SLC1A4: variants seen among roughly 807,000 people sequenced by gnomAD.
SLC1A4 encodes the protein neutral amino acid transporter A.
SLC1A4 carries 19 observed loss-of-function variants against 37.7 expected under a neutral mutation model. That is an observed-to-expected ratio of 0.50 (90% CI 0.35 to 0.74). The LOEUF (loss-of-function observed/expected upper bound fraction) is 0.74. Ranked by LOEUF, SLC1A4 falls within the 30% of genes least tolerant of loss-of-function variation. The pLI is 0.01. For missense variants in SLC1A4, 570 were observed against 712.9 expected (o/e 0.80, Z 2.28); for synonymous variants, 299 against 309.8 (o/e 0.97, Z 0.37).
intron 7 of SLC1A4, among the ~76,000 whole-genome samples, chr2:65,019,766 C>T (rs772914659): frequency 1.3e-5 from 2 of 152,208 alleles, no homozygotes; most frequent in Non-Finnish European, 2.9e-5. Flanking sequence ...GAGGCCCCCT[C>T]TCCTTCCTCA....
chr2:65,002,640 C>T (rs1343751490), intron 2 of SLC1A4, among the ~76,000 whole-genome samples: 2 of 137,742 alleles, frequency 1.5e-5, no homozygotes, highest in Non-Finnish European at 3.0e-5. Flanking sequence ...TGCAGTGGCG[C>T]GATCTTGGCT....
At chr2:65,014,815 G>A (rs566398273) in intron 4 of SLC1A4, among the ~76,000 whole-genome samples, 1 of 152,296 alleles carries the variant, frequency 6.6e-6, no homozygotes, top group South Asian at 2.1e-4. Context: ...CGTTTGTAAC[G>A]ATAAACCTGG....
Position 65,021,007 on chromosome 2 carries a change from AG to A in SLC1A4, c.1462del (p.Glu488AsnfsTer5), listed in dbSNP as rs764268060. On this transcript the variant is annotated frameshift_variant, in exon 8 of 8. Transcript: ENST00000234256. LOFTEE classifies it high-confidence loss of function. ...LNQKATKKGEQELAEVKVEAI... is the reference protein window; with the variant it reads ...LNQKATKKGEXELAEVKVEAI... ...CAGAAGGCAACAAAGAAAGGCGAGC[AG>A]GAACTTGCTGAGGTGAAAGTGGAAG... 18 of 1,614,150 alleles carry A rather than the reference AG, an allele frequency of 1.1e-5. No homozygotes were observed. The highest frequency in any genetic ancestry group is 1.7e-5 in the Admixed American group (1 of 60,012).
intron 1 of SLC1A4, among the ~76,000 whole-genome samples, chr2:64,996,744 G>A (rs1028972291): frequency 1.1e-4 from 17 of 152,216 alleles, no homozygotes; most frequent in African/African-American, 4.1e-4. Context: ...GCAGAAATGG[G>A]AGATGCTCAG....
rs992984640 is a variant in SLC1A4 at position 65,006,450 on chromosome 2, C to T, written c.633+2435C>T. ...GAGGTTGCAGTGAGCTGAGATTCTGCCACTGCACTCCAGCCTGGGCAACAG... is the reference window on the plus strand; with the variant it reads ...GAGGTTGCAGTGAGCTGAGATTCTGTCACTGCACTCCAGCCTGGGCAACAG... On this transcript the variant is annotated intron_variant, in intron 3 of 7. Coordinates refer to ENST00000234256, the MANE Select transcript of SLC1A4 (RefSeq NM_003038.5). Among the ~76,000 whole-genome samples the T allele has an allele frequency of 7.2e-5, 11 of 152,160 alleles. No homozygotes were observed. The South Asian group carries it at 8.3e-4, about 11-fold the overall frequency.
chr2:65,010,665 A>G lies in SLC1A4; in HGVS notation c.702A>G (p.Gly234=), dbSNP rs1558523650. The change falls in exon 4 of 8, where the codon GGA becomes GGG. Residue 234 remains glycine, a synonymous_variant. Coordinates refer to ENST00000234256, the MANE Select transcript of SLC1A4 (RefSeq NM_003038.5). ...TGGTCCTGTTTGCTCTGGTGTTAGG[A>G]GTGGCCTTAAAGAAACTAGGCTCCG... ...LGLVLFALVL[G]VALKKLGSEG... 2 of 1,614,130 alleles carry G rather than the reference A, an allele frequency of 1.2e-6. No individual in the cohort carries two copies. The highest frequency in any genetic ancestry group is 2.2e-5 in the South Asian group (2 of 91,074).
intron 1 of SLC1A4, among the ~76,000 whole-genome samples, chr2:64,993,089 G>A (rs1453377335): frequency 6.6e-6 from 1 of 152,208 alleles, no homozygotes; most frequent in Non-Finnish European, 1.5e-5. Context: ...CTAGGGGCAC[G>A]TGAATGAAAT....
At position 65,018,121 on chromosome 2, in the gene SLC1A4, T is replaced by C. The variant is rs942888353; in HGVS notation, c.1085T>C (p.Val362Ala). 1.9e-6 allele frequency: 3 copies of C among 1,614,196 alleles called. No homozygotes were observed. The highest frequency in any genetic ancestry group is 2.5e-6 in the Non-Finnish European group (3 of 1,180,036). ...MMKCIEENNG[V>A]DKRISRFILP... The stretch of plus-strand genomic sequence containing the variant: ...AAGTGCATTGAAGAGAACAATGGTG[T>C]GGACAAGAGGATCAGCAGGTTTATT... The change falls in exon 6 of 8, where the codon GTG becomes GCG. Residue 362 changes from valine to alanine, a missense_variant. Transcript: ENST00000234256. This position sits in a 1 kb window ranked among gnomAD's most constrained non-coding sequence, Gnocchi z 4.3.
At chr2:64,993,088 C>T (rs766672732) in intron 1 of SLC1A4, among the ~76,000 whole-genome samples, 2 of 152,184 alleles carry the variant, frequency 1.3e-5, no homozygotes, top group African/African-American at 2.4e-5. Context: ...CCTAGGGGCA[C>T]GTGAATGAAA....
chr2:65,010,814 G>GAA, intron 4 of SLC1A4, 51 bp downstream of exon 4: 1 of 1,567,114 alleles, frequency 6.4e-7, no homozygotes, highest in Non-Finnish European at 8.6e-7. Context: ...CTGCCATCCA[G>GAA]AAAAGAGTCC....
chr2:64,991,565 T>C (rs1308346087), intron 1 of SLC1A4, among the ~76,000 whole-genome samples: 4 of 149,460 alleles, frequency 2.7e-5, no homozygotes, highest in African/African-American at 1.0e-4. Flanking sequence ...GTAGCTGAGA[T>C]TACAGGTGCA....
rs1288857452 is a variant in SLC1A4, at chr2:65,010,630, A to T, written c.667A>T (p.Ile223Phe). ...AGGCACTGAGATAGAAGGGATGAAC[A>T]TTTTAGGATTGGTCCTGTTTGCTCT... ...PIGTEIEGMN[I>F]LGLVLFALVL... Residue 223 changes from isoleucine (I) to phenylalanine (F), a missense_variant, in exon 4 of 8, where the codon ATT (isoleucine) becomes TTT (phenylalanine). By Grantham distance (21) the Ile-to-Phe change is conservative (BLOSUM62 0). Coordinates refer to ENST00000234256, the MANE Select transcript of SLC1A4 (RefSeq NM_003038.5). 6.2e-7 allele frequency: 1 copy of T among 1,613,456 alleles called. No homozygotes were observed. Among genetic ancestry groups the T allele is most frequent in the African/African-American group, 1.3e-5 (1 of 74,894 alleles).
chr2:65,009,749 A>C (rs1040394126), intron 3 of SLC1A4, among the ~76,000 whole-genome samples: 3 of 152,224 alleles, frequency 2.0e-5, no homozygotes, highest in African/African-American at 4.8e-5. Flanking sequence ...AAAAATTAAG[A>C]ATACAGTATG....
At chr2:65,008,979 T>C (rs1414629736) in intron 3 of SLC1A4, among the ~76,000 whole-genome samples, 3 of 152,204 alleles carry the variant, frequency 2.0e-5, no homozygotes, top group Non-Finnish European at 2.9e-5. Context: ...GCTCCTTAAT[T>C]ACTATTGCCG....
rs200284406 is a variant in SLC1A4 at position 65,018,013 on chromosome 2, CAT to C, written c.1035-57_1035-56del. ...CTGTTCTGGGGTCTGAGACAAGACA[CAT>C]GTTAGCCTGCCTCGGACTGTTGTCA... On this transcript the variant is annotated intron_variant, in intron 5 of 7. Transcript: ENST00000234256. The surrounding 1 kb of genome is among the most constrained non-coding windows in gnomAD (Gnocchi z 4.3). The C allele has an allele frequency of 6.5e-3, 9,624 of 1,485,742 alleles. 59 individuals are homozygous for C. The highest frequency in any genetic ancestry group is 0.015 in the East Asian group (646 of 44,002). The allele number at this position is 1,485,742 out of a possible 1,614,324, so 92.0% of individuals were successfully genotyped here. A position where few individuals can be genotyped will look rare whatever the true frequency, so the allele number is the denominator to read the frequency against.
In SLC1A4 at chr2:65,018,398, G is replaced by GT; in HGVS notation, c.1229+134dup. 1 of 1,370,364 alleles carries GT rather than the reference G, an allele frequency of 7.3e-7. No homozygotes were observed. 84.9% of individuals were successfully genotyped at this position (1,370,364 alleles called of 1,614,324 possible). On this transcript the variant is annotated intron_variant, in intron 6 of 7. Transcript: ENST00000234256. This position sits in a 1 kb window ranked among gnomAD's most constrained non-coding sequence, Gnocchi z 4.3. ...AGTGGGGATTCATTACTTGAAGAGC[G>GT]TGTGTTGACTCTCAAGGGCGTAGCC...
At position 64,989,861 on chromosome 2, in the gene SLC1A4, C is replaced by T. The variant is rs1320406110; in HGVS notation, c.218C>T (p.Thr73Ile). ...RGLSLSRTQV[T>I]YLAFPGEMLL... ...CTCAGCCTGAGCCGCACGCAGGTCA[C>T]CTACCTGGCCTTCCCCGGCGAGATG... Residue 73 changes from threonine (T) to isoleucine (I), a missense_variant, in exon 1 of 8, where the codon ACC (threonine) becomes ATC (isoleucine). Physicochemically the swap from Thr to Ile is moderately conservative, Grantham distance 89 (BLOSUM62 -1). Coordinates refer to ENST00000234256, the MANE Select transcript of SLC1A4 (RefSeq NM_003038.5). 2 of 1,540,310 alleles carry T rather than the reference C, an allele frequency of 1.3e-6. No individual in the cohort carries two copies. The highest frequency in any genetic ancestry group is 1.2e-5 in the South Asian group (1 of 84,120).
chr2:65,007,933 T>C (rs1156650306), intron 3 of SLC1A4, among the ~76,000 whole-genome samples: 2 of 152,340 alleles, frequency 1.3e-5, no homozygotes, highest in East Asian at 1.9e-4. Context: ...ATTTCTTCTA[T>C]CAACCTGTAC....
At chr2:65,017,311 CACA>C (rs1558527708) in intron 5 of SLC1A4, among the ~76,000 whole-genome samples, 2 of 150,236 alleles carry the variant, frequency 1.3e-5, no homozygotes, top group Non-Finnish European at 2.9e-5. Context: ...TCTCATTTGG[CACA>C]AGAGATGCAT....
Sources: gnomAD v4.1 joint callset for allele counts (sites outside exome capture counted in the v4.1 genomes callset) on GRCh38, gnomAD v4.1.1 for gene constraint, Gnocchi (gnomAD v3.1) non-coding constraint, MANE v1.5 for transcripts, NCBI Gene and HGNC (gene_info 2026-07-23, HGNC 2026-07-21) for gene names.